FRAS1: variants seen among roughly 807,000 people sequenced by gnomAD.
FRAS1 encodes extracellular matrix organizing protein FRAS1.
Under a neutral mutation model 435.2 loss-of-function variants are expected in FRAS1, and 290 were observed. The observed-to-expected ratio is 0.67, with a 90% CI of 0.61 to 0.73. FRAS1 has a LOEUF of 0.73. FRAS1 is among the 30% of genes least tolerant of loss of function. The pLI is 0.00. For synonymous variants in FRAS1, 1,800 were observed against 1,851.0 expected (o/e 0.97, Z 0.71); for missense variants, 4,860 against 5,001.5 (o/e 0.97, Z 0.85).
At position 78,539,424 on chromosome 4, in the gene FRAS1, T is replaced by G; in HGVS notation, c.11429T>G (p.Val3810Gly). ...GGTGTGGATGGATTTACTCTAAAAGTAGATGCACTCTATAAGGTGAGTTTG... is the reference window on the plus strand; with the variant it reads ...GGTGTGGATGGATTTACTCTAAAAGGAGATGCACTCTATAAGGTGAGTTTG... ...MPGVDGFTLK[V>G]DALYKVEAGH... Residue 3810 changes from valine to glycine, a missense_variant, in exon 73 of 74, where the codon GTA becomes GGA. Transcript: ENST00000512123. The G allele has an allele frequency of 1.2e-6, 2 of 1,609,910 alleles. No individual in the cohort carries two copies. The highest frequency in any genetic ancestry group is 2.2e-5 in the South Asian group (2 of 90,430).
chr4:78,364,267 G>T (rs57314485), intron 22 of FRAS1, among the ~76,000 whole-genome samples: 2 of 152,202 alleles, frequency 1.3e-5, no homozygotes, highest in East Asian at 3.9e-4. Context: ...CTTGGCGGTG[G>T]GGTCTCCTCT....
chr4:78,212,339 G>A (rs1723549288), intron 2 of FRAS1, among the ~76,000 whole-genome samples: 1 of 152,114 alleles, frequency 6.6e-6, no homozygotes, highest in South Asian at 2.1e-4. Flanking sequence ...GTAGGCCTGA[G>A]GGTAGTAGTG....
At chr4:78,230,637 C>A (rs1019901413) in intron 2 of FRAS1, among the ~76,000 whole-genome samples, 8 of 152,202 alleles carry the variant, frequency 5.3e-5, no homozygotes, top group Admixed American at 2.6e-4. Context: ...GATTATCTTT[C>A]CTGAAAACCA....
intron 22 of FRAS1, among the ~76,000 whole-genome samples, chr4:78,367,596 A>G (rs897500453): frequency 6.6e-6 from 1 of 151,856 alleles, no homozygotes; most frequent in African/African-American, 2.4e-5. Flanking sequence ...ATATCATCAC[A>G]TTTTTAGTTA....
At chr4:78,494,161 T>C (rs961101361) in intron 59 of FRAS1, among the ~76,000 whole-genome samples, 6 of 152,226 alleles carry the variant, frequency 3.9e-5, no homozygotes, top group Non-Finnish European at 7.3e-5. Flanking sequence ...TTTCTAAAAA[T>C]GCTATTGTCC....
intron 2 of FRAS1, among the ~76,000 whole-genome samples, chr4:78,119,810 C>T (rs1341108298): frequency 6.6e-6 from 1 of 152,160 alleles, no homozygotes; most frequent in African/African-American, 2.4e-5. Flanking sequence ...TGATACTGGT[C>T]CATGGACCAG....
intron 47 of FRAS1, among the ~76,000 whole-genome samples, 184 bp from the exon 48 acceptor site, chr4:78,463,837 C>T (rs1045737471): frequency 1.3e-5 from 2 of 152,196 alleles, no homozygotes; most frequent in Admixed American, 1.3e-4. Context: ...TGTGTTCCCA[C>T]AGAATATATG....
At chr4:78,438,259 T>A (rs1396343009) in intron 38 of FRAS1, among the ~76,000 whole-genome samples, 7 of 152,162 alleles carry the variant, frequency 4.6e-5, no homozygotes, top group Non-Finnish European at 1.0e-4. Context: ...AAAAATGAAA[T>A]CTTGTATGGC....
intron 2 of FRAS1, among the ~76,000 whole-genome samples, chr4:78,191,698 C>T (rs1490993622): frequency 7.9e-5 from 12 of 152,014 alleles, no homozygotes; most frequent in Admixed American, 2.6e-4. Context: ...CCGCTCCCCC[C>T]ACCCCACAAC....
intron 49 of FRAS1, 66 bp downstream of exon 49, chr4:78,464,649 G>A (rs11933507): frequency 0.35 from 554,270 of 1,561,520 alleles, 101,709 homozygotes; most frequent in African/African-American, 0.55. Context: ...CAGCTATCAC[G>A]TTGCAGCTGT....
intron 15 of FRAS1, among the ~76,000 whole-genome samples, chr4:78,313,344 G>T (rs891539799): frequency 6.6e-6 from 1 of 152,166 alleles, no homozygotes; most frequent in African/African-American, 2.4e-5. Flanking sequence ...GATTCTCCAG[G>T]ATGCGAGATG....
chr4:78,088,417 A>C (rs1270593241), intron 2 of FRAS1, among the ~76,000 whole-genome samples: 9 of 151,740 alleles, frequency 5.9e-5, no homozygotes, highest in Admixed American at 5.9e-4. Flanking sequence ...CAAAAGCCAA[A>C]ATTGACAAAT....
chr4:78,528,139 G>A (rs1192822337), intron 70 of FRAS1, among the ~76,000 whole-genome samples: 1 of 152,170 alleles, frequency 6.6e-6, no homozygotes, highest in Non-Finnish European at 1.5e-5. Flanking sequence ...GAATGTCGAG[G>A]TTTGAGAAGA....
intron 9 of FRAS1, among the ~76,000 whole-genome samples, chr4:78,273,526 G>C (rs141833946): frequency 0.1 from 15,754 of 152,164 alleles, 1,135 homozygotes; most frequent in Non-Finnish European, 0.15. Context: ...AGCATGAAGG[G>C]CTGTTGAATT....
At chr4:78,204,475 G>A (rs1309745102) in intron 2 of FRAS1, among the ~76,000 whole-genome samples, 1 of 152,194 alleles carries the variant, frequency 6.6e-6, no homozygotes, top group African/African-American at 2.4e-5. Flanking sequence ...TATAGAGTGA[G>A]ATAAGTGCTA....
chr4:78,266,465 G>A (rs1468232006), intron 7 of FRAS1, among the ~76,000 whole-genome samples: 1 of 152,230 alleles, frequency 6.6e-6, no homozygotes, highest in Non-Finnish European at 1.5e-5. Flanking sequence ...AGCTGGCAAA[G>A]TGAGTATATG....
In FRAS1 at chr4:78,508,904, G is replaced by A. The variant is rs1319331722; in HGVS notation, c.9678G>A (p.Val3226=). The change falls in exon 63 of 74, where the codon GTG becomes GTA. Residue 3226 remains valine, a synonymous_variant. Transcript: ENST00000512123. ...CSEAGINQTS[V]QFSWEVAAPT... The stretch of plus-strand genomic sequence containing the variant: ...AGGCCGGCATCAACCAGACATCTGT[G>A]CAGTTCAGCTGGGAAGTGGCTGCCC... 20 of 1,613,860 alleles carry A rather than the reference G, an allele frequency of 1.2e-5. No homozygotes were observed. Among genetic ancestry groups the A allele is most frequent in the Non-Finnish European group, 1.6e-5 (19 of 1,179,898 alleles).
At chr4:78,215,182 C>G (rs1156677770) in intron 2 of FRAS1, among the ~76,000 whole-genome samples, 1 of 49,182 alleles carries the variant, frequency 2.0e-5, no homozygotes, top group African/African-American at 7.0e-5. Flanking sequence ...AATTTACCAT[C>G]TTTATTATTA....
chr4:78,165,352 G>T (rs1387384957), intron 2 of FRAS1, among the ~76,000 whole-genome samples: 1 of 152,122 alleles, frequency 6.6e-6, no homozygotes, highest in South Asian at 2.1e-4. Flanking sequence ...TGTTTGTGTT[G>T]ACTTGAAAAA....
Sources: allele counts gnomAD v4.1 joint callset (sites outside exome capture counted in the v4.1 genomes callset), GRCh38; gene constraint gnomAD v4.1.1; transcripts MANE v1.5; gene names NCBI Gene and HGNC (gene_info 2026-07-23, HGNC 2026-07-21).